The following LRCOL1 variants were observed in gnomAD, a reference collection of about 807,000 sequenced individuals.
The protein encoded by LRCOL1 is leucine rich colipase like 1, also known as leucine-rich colipase-like protein 1.
In LRCOL1, 21 loss-of-function variants were observed where a neutral mutation model predicts 21.6. The ratio of observed to expected loss-of-function variants is 0.97; its 90% CI spans 0.69 to 1.40. The LOEUF (loss-of-function observed/expected upper bound fraction) is 1.40, where lower values mean the gene tolerates loss of function less well. Ranked by LOEUF, LRCOL1 falls within the 40% of genes most tolerant of loss-of-function variation. The probability of loss-of-function intolerance (pLI) is 0.00; values close to 1 mark genes in which losing one functional copy is unlikely to be tolerated. For synonymous variants in LRCOL1, 98 were observed against 90.1 expected (o/e 1.09, Z -0.49); for missense variants, 198 against 202.3 (o/e 0.98, Z 0.13).
At chr12:132,603,927 T>C in intron 5 of LRCOL1, 1 of 1,210,318 alleles carries the variant, frequency 8.3e-7, no homozygotes, top group Non-Finnish European at 1.0e-6. Context: ...GGCTGTTCCC[T>C]CTCCGGCCTG....
chr12:132,607,649 CTCTT>C (rs1244859979), intron 1 of LRCOL1, among the ~76,000 whole-genome samples: 14 of 151,684 alleles, frequency 9.2e-5, no homozygotes, highest in African/African-American at 3.2e-4. Context: ...CTCTCTCTGT[CTCTT>C]TCTGTCTCTG....
At chr12:132,607,643 C>T (rs939454974) in intron 1 of LRCOL1, among the ~76,000 whole-genome samples, 7 of 151,560 alleles carry the variant, frequency 4.6e-5, no homozygotes, top group South Asian at 2.1e-4. Flanking sequence ...GTCTCCCTCT[C>T]TCTGTCTCTT....
chr12:132,604,370 C>T lies in LRCOL1; in HGVS notation c.361G>A (p.Gly121Ser), dbSNP rs962350559. Reference protein sequence around the residue: ...LQCVPWRKPNGDFCSSHQECH... With the variant: ...LQCVPWRKPNSDFCSSHQECH... Reference sequence around the variant, plus strand: ...TCCTGATGGCTGCTGCAGAAGTCGCCGTTGGGCTGGGGAGGCAGCCAGGCA... The same window carrying T: ...TCCTGATGGCTGCTGCAGAAGTCGCTGTTGGGCTGGGGAGGCAGCCAGGCA... Residue 121 changes from glycine (G) to serine (S), a missense_variant, in exon 5 of 6, where the codon GGC becomes AGC. Physicochemically the swap from Gly to Ser is moderately conservative, Grantham distance 56. Transcript: ENST00000376608. 19 of 1,535,532 alleles carry T rather than the reference C, an allele frequency of 1.2e-5. No homozygotes were observed. The highest frequency in any genetic ancestry group is 1.6e-5 in the Non-Finnish European group (18 of 1,146,604).
chr12:132,605,388 T>C (rs1337174279), intron 2 of LRCOL1, among the ~76,000 whole-genome samples: 1 of 152,228 alleles, frequency 6.6e-6, no homozygotes, highest in African/African-American at 2.4e-5. Context: ...ATAAAAACAG[T>C]AATCCCATTG....
In LRCOL1 at chr12:132,604,853, C is replaced by G. The variant is rs538300690; in HGVS notation, c.106-22G>C. On this transcript the variant is annotated intron_variant, in intron 2 of 5. Coordinates refer to ENST00000376608, the MANE Select transcript of LRCOL1 (RefSeq NM_001195520.2). ...TGCCCTGAAACACCACTCACCAGCT[C>G]GCTCACCTGTTCCTGGGCAGGGCCT... 7 of 1,534,834 alleles carry G rather than the reference C, an allele frequency of 4.6e-6. No homozygotes were observed. In the East Asian group the frequency reaches 1.2e-4, roughly 27 times the overall value.
In LRCOL1 at chr12:132,603,892, G is replaced by A. The variant is rs1478631173; in HGVS notation, c.477+362C>T. 3.3e-6 allele frequency: 4 copies of A among 1,195,386 alleles called. No individual in the cohort carries two copies. In the African/African-American group the frequency reaches 6.4e-5, roughly 19 times the overall value. 74.0% of individuals were successfully genotyped at this position (1,195,386 alleles called of 1,614,324 possible). ...TCGGGGGAGGGAGGGGAGAAGCCAG[G>A]ACCCTCCTCCTCCAGGGCTGGTGAG... On this transcript the variant is annotated intron_variant, in intron 5 of 5. Transcript: ENST00000376608.
At chr12:132,605,123 C>G (rs2041288277) in intron 2 of LRCOL1, 1 of 1,189,636 alleles carries the variant, frequency 8.4e-7, no homozygotes, top group Non-Finnish European at 1.1e-6. Context: ...CAGGCCAGCC[C>G]AGTGCCTGGC....
In LRCOL1 at chr12:132,604,516, C is replaced by T. The variant is rs917519975; in HGVS notation, c.300G>A (p.Pro100=). ...CGCTTTGGGGCGTGCACAACTCCTG[C>T]GGGCTGTTGTTGCGGACGCAGCAGC... ...QSSCCVRNNS[P]QELCTPQSVF... is the part of the protein sequence containing the mutation. Residue 100 remains proline, a synonymous_variant, in exon 4 of 6, where the codon CCG becomes CCA. Transcript: ENST00000376608. 31 of 1,536,048 alleles carry T rather than the reference C, an allele frequency of 2.0e-5. No homozygotes were observed. Among genetic ancestry groups the T allele is most frequent in the South Asian group, 3.6e-5 (3 of 84,054 alleles).
At chr12:132,604,401 C>G (rs1481614288) in intron 4 of LRCOL1, 25 bp from the exon 5 acceptor site, 2 of 1,534,214 alleles carry the variant, frequency 1.3e-6, no homozygotes, top group East Asian at 2.4e-5. Flanking sequence ...AGGCAGCAGT[C>G]GTGGAGAGGG....
Position 132,603,371 on chromosome 12 carries a change from C to CCG in LRCOL1, c.*29_*30dup. 6.5e-7 allele frequency: 1 copy of CCG among 1,536,176 alleles called. No homozygotes were observed. The highest frequency in any genetic ancestry group is 8.7e-7 in the Non-Finnish European group (1 of 1,146,894). On this transcript the variant is annotated 3_prime_UTR_variant, in exon 6 of 6. Transcript: ENST00000376608. ...CTGCGTGAACATCCCAGGGCCCAGG[C>CCG]CGGTCCCTCGCGCCCAGGTTCGAGC...
chr12:132,604,624 C>G (rs2041278724), intron 3 of LRCOL1, 40 bp from the exon 4 acceptor site: 2 of 1,525,472 alleles, frequency 1.3e-6, no homozygotes, highest in East Asian at 4.9e-5. Context: ...ACCCACCATC[C>G]ACTCCCTGGC....
chr12:132,605,989 G>T, intron 2 of LRCOL1, 158 bp downstream of exon 2: 1 of 654,896 alleles, frequency 1.5e-6, no homozygotes. Flanking sequence ...CCTCAGGGAG[G>T]GTTTCATCCA....
At position 132,604,832 on chromosome 12, in the gene LRCOL1, C is replaced by T. The variant is rs2041283323; in HGVS notation, c.106-1G>A. The T allele has an allele frequency of 2.6e-6, 4 of 1,535,850 alleles. No individual in the cohort carries two copies. The highest frequency in any genetic ancestry group is 3.5e-6 in the Non-Finnish European group (4 of 1,146,692). On this transcript the variant is annotated splice_acceptor_variant, in intron 2 of 5. Transcript: ENST00000376608. LOFTEE classifies it high-confidence loss of function. ...GTCTCCTGCATGGCTCCCCGATGCC[C>T]TGAAACACCACTCACCAGCTCGCTC...
intron 5 of LRCOL1, chr12:132,603,679 G>T (rs1027608410): frequency 1.0e-5 from 10 of 985,260 alleles, no homozygotes; most frequent in Non-Finnish European, 1.2e-5. Context: ...CCTCACCTCT[G>T]GGTGCCACGA....
chr12:132,608,629 C>G (rs147808696), intron 1 of LRCOL1, among the ~76,000 whole-genome samples: 3,254 of 152,278 alleles, frequency 0.021, 132 homozygotes, highest in African/African-American at 0.075. Context: ...TGCAGTGGCA[C>G]AATCGCAGCT....
intron 5 of LRCOL1, chr12:132,603,966 G>A: frequency 5.5e-6 from 7 of 1,277,414 alleles, no homozygotes; most frequent in Non-Finnish European, 6.9e-6. Flanking sequence ...TCCCACGGGG[G>A]ATGGTCCTGG....
chr12:132,604,122 C>T (rs2041266608), intron 5 of LRCOL1, 132 bp downstream of exon 5: 1 of 1,437,762 alleles, frequency 7.0e-7, no homozygotes, highest in Non-Finnish European at 9.1e-7. Flanking sequence ...CGGCCTCTCC[C>T]AGCAGGGGTG....
chr12:132,607,379 G>A (rs1361176185), intron 1 of LRCOL1, among the ~76,000 whole-genome samples: 1 of 152,198 alleles, frequency 6.6e-6, no homozygotes, highest in Non-Finnish European at 1.5e-5. Flanking sequence ...TCTCCACACT[G>A]GCCATAAATA....
rs1165643119 is a variant in LRCOL1, at chr12:132,606,159, G to A, written c.93C>T (p.Asn31=). 1 of 1,536,352 alleles carries A rather than the reference G, an allele frequency of 6.5e-7. No individual in the cohort carries two copies. The highest frequency in any genetic ancestry group is 2.0e-5 in the Admixed American group (1 of 51,014). ...MAGYGPQKKL[N]LSHKGIGEPC... is the part of the protein sequence containing the mutation. ...GCCCGGCACCCACCTTATGGGACAG[G>A]TTCAACTTCTTCTGTGGCCCATACC... The change falls in exon 2 of 6, where the codon AAC becomes AAT. Residue 31 remains asparagine (N), a synonymous_variant. Transcript: ENST00000376608. This position sits in a 1 kb window ranked among gnomAD's most constrained non-coding sequence, Gnocchi z 4.6.
Sources: gnomAD v4.1 joint callset for allele counts (sites outside exome capture counted in the v4.1 genomes callset) on GRCh38, gnomAD v4.1.1 for gene constraint, Gnocchi (gnomAD v3.1) non-coding constraint, MANE v1.5 for transcripts, NCBI Gene and HGNC (gene_info 2026-07-23, HGNC 2026-07-21) for gene names.